The following CEP170 variants were observed in gnomAD, a reference collection of about 807,000 sequenced individuals.
CEP170 encodes the protein centrosomal protein of 170 kDa.
Under a neutral mutation model 151.9 loss-of-function variants are expected in CEP170, and 21 were observed. The ratio of observed to expected loss-of-function variants is 0.14; its 90% confidence interval spans 0.10 to 0.20. The LOEUF is 0.20. Ranked by LOEUF, CEP170 falls within the 10% of genes least tolerant of loss-of-function variation. CEP170 has a pLI of 1.00. For missense variants in CEP170, 964 were observed against 1,892.9 expected (o/e 0.51, Z 9.11); for synonymous variants, 356 against 648.8 (o/e 0.55, Z 6.86).
In CEP170 at chr1:243,165,542, C is replaced by T. The variant is rs764155268; in HGVS notation, c.2418G>A (p.Glu806=). 5 of 1,613,436 alleles carry T rather than the reference C, an allele frequency of 3.1e-6. No individual in the cohort carries two copies. The highest frequency in any genetic ancestry group is 1.6e-4 in the Middle Eastern group (1 of 6,062). The change falls in exon 13 of 20, where the codon GAG becomes GAA. Residue 806 remains glutamate (E), a synonymous_variant. Transcript: ENST00000366542. ...TSKGDRVAQS[E]SKRRKAEEIL... is the part of the protein sequence containing the mutation. ...TTTCCTCAGCTTTTCTTCTCTTGCT[C>T]TCACTTTGTGCCACTCTGTCTCCTT...
intron 16 of CEP170, among the ~76,000 whole-genome samples, chr1:243,137,667 C>A (rs1315594406): frequency 6.6e-6 from 1 of 151,506 alleles, no homozygotes. Flanking sequence ...CCCAGCTACT[C>A]GGGAGGCTAA....
intron 7 of CEP170, among the ~76,000 whole-genome samples, chr1:243,198,692 T>G (rs2060821058): frequency 6.6e-6 from 1 of 152,042 alleles, no homozygotes; most frequent in Non-Finnish European, 1.5e-5. Context: ...GGGGATCTAA[T>G]AAAAACGCAA....
chr1:243,224,606 A>T (rs146530787), intron 2 of CEP170, among the ~76,000 whole-genome samples: 2 of 152,268 alleles, frequency 1.3e-5, no homozygotes, highest in Non-Finnish European at 2.9e-5. Flanking sequence ...CCTCCATCTG[A>T]TTCTTACCCC....
At chr1:243,141,675 T>A (rs1245025985) in intron 15 of CEP170, among the ~76,000 whole-genome samples, 1 of 152,224 alleles carries the variant, frequency 6.6e-6, no homozygotes, top group South Asian at 2.1e-4. Flanking sequence ...TCTGGAGCAA[T>A]GTTATGCAAA....
chr1:243,192,177 A>C (rs2060346659), intron 7 of CEP170, among the ~76,000 whole-genome samples: 2 of 152,202 alleles, frequency 1.3e-5, no homozygotes, highest in Admixed American at 1.3e-4. Flanking sequence ...AAATAAGGTT[A>C]AAATAGGAAA....
At chr1:243,249,423 A>G (rs976375067) in intron 1 of CEP170, among the ~76,000 whole-genome samples, 17 of 38,150 alleles carry the variant, frequency 4.5e-4, no homozygotes, top group Non-Finnish European at 7.5e-4. Context: ...GTCTCAAAAT[A>G]AATAAATAAA....
Position 243,165,713 on chromosome 1 carries a change from T to C in CEP170, c.2247A>G (p.Gln749=), listed in dbSNP as rs544280332. Residue 749 remains glutamine, a synonymous_variant, in exon 13 of 20, where the codon CAA becomes CAG. Transcript: ENST00000366542. Reference sequence around the variant, plus strand: ...GAGCCTCCTCCCTTTGTTCTTGTTGTTGAAGTTTTGCTAATGTTTGCTTTA... The same window carrying C: ...GAGCCTCCTCCCTTTGTTCTTGTTGCTGAAGTTTTGCTAATGTTTGCTTTA... ...SLVKQTLAKL[Q]QQEQREEAQW... The C allele has an allele frequency of 3.0e-5, 48 of 1,613,970 alleles. No individual in the cohort carries two copies. The highest frequency in any genetic ancestry group is 8.3e-5 in the Admixed American group (5 of 60,008).
At chr1:243,133,653 A>G (rs1434273447) in intron 17 of CEP170, among the ~76,000 whole-genome samples, 1 of 152,098 alleles carries the variant, frequency 6.6e-6, no homozygotes, top group Non-Finnish European at 1.5e-5. Flanking sequence ...GTTAGGCTTT[A>G]CCCCAGGGAA....
intron 1 of CEP170, among the ~76,000 whole-genome samples, chr1:243,228,634 A>G (rs759061784): frequency 6.6e-6 from 1 of 152,232 alleles, no homozygotes; most frequent in Non-Finnish European, 1.5e-5. Flanking sequence ...ACTGAAACAA[A>G]ACCCAATATT....
At chr1:243,221,649 A>G in intron 3 of CEP170, 75 bp downstream of exon 3, 3 of 1,386,874 alleles carry the variant, frequency 2.2e-6, no homozygotes, top group Non-Finnish European at 2.9e-6. Context: ...TGTAGCTAGG[A>G]AATGTAATCT....
At chr1:243,206,473 A>G (rs2148875161) in intron 4 of CEP170, among the ~76,000 whole-genome samples, 1 of 152,342 alleles carries the variant, frequency 6.6e-6, no homozygotes, top group East Asian at 1.9e-4. Context: ...ACTTTTCTAG[A>G]CATATAAAAG....
At chr1:243,179,516 C>T (rs2059480266) in intron 10 of CEP170, among the ~76,000 whole-genome samples, 1 of 151,992 alleles carries the variant, frequency 6.6e-6, no homozygotes, top group African/African-American at 2.4e-5. Flanking sequence ...ATAATATATA[C>T]AAGGTTTTAA....
chr1:243,227,266 C>CA (rs34323706), intron 1 of CEP170, among the ~76,000 whole-genome samples: 48,522 of 146,484 alleles, frequency 0.33, 7,938 homozygotes, highest in South Asian at 0.53. Flanking sequence ...TATCATTGGT[C>CA]AAAAAAAAAA....
At chr1:243,241,022 T>C (rs2064784990) in intron 1 of CEP170, among the ~76,000 whole-genome samples, 1 of 152,192 alleles carries the variant, frequency 6.6e-6, no homozygotes, top group African/African-American at 2.4e-5. Context: ...ACAAAGTGCT[T>C]AATATTCCAT....
At chr1:243,162,726 T>C (rs1168893088) in intron 13 of CEP170, among the ~76,000 whole-genome samples, 1 of 152,188 alleles carries the variant, frequency 6.6e-6, no homozygotes, top group Non-Finnish European at 1.5e-5. Context: ...ATAGAAATTA[T>C]GTTAAGACAG....
chr1:243,130,890 T>A (rs2054315457), intron 17 of CEP170, among the ~76,000 whole-genome samples: 1 of 151,814 alleles, frequency 6.6e-6, no homozygotes, highest in Non-Finnish European at 1.5e-5. Flanking sequence ...CCAGCCATCT[T>A]TTCTAAATTA....
chr1:243,237,970 T>G (rs556445704), intron 1 of CEP170, among the ~76,000 whole-genome samples: 4 of 152,218 alleles, frequency 2.6e-5, no homozygotes, highest in Admixed American at 6.5e-5. Context: ...CGGGTCTATC[T>G]TTTGTCTAAA....
intron 1 of CEP170, among the ~76,000 whole-genome samples, chr1:243,239,553 G>A (rs1558684995): frequency 6.6e-6 from 1 of 152,204 alleles, no homozygotes; most frequent in East Asian, 1.9e-4. Context: ...CTTCAGTTTT[G>A]AGTAAAAAGC....
chr1:243,180,294 G>A lies in CEP170; in HGVS notation c.1566+5485C>T, dbSNP rs1237956964. Among the ~76,000 whole-genome samples, 12 of 152,184 alleles carry A rather than the reference G, an allele frequency of 7.9e-5. No homozygotes were observed. The East Asian group carries it at 1.2e-3, about 15-fold the overall frequency. On this transcript the variant is annotated intron_variant, in intron 10 of 19. Coordinates refer to ENST00000366542, the MANE Select transcript of CEP170 (RefSeq NM_014812.3). ...TGAGGACAAACCTATTATGTTAGGCGTCTGGCTGAATAAAAGGTGAGGGTT... is the reference window on the plus strand; with the variant it reads ...TGAGGACAAACCTATTATGTTAGGCATCTGGCTGAATAAAAGGTGAGGGTT...
Sources: allele counts gnomAD v4.1 joint callset (sites outside exome capture counted in the v4.1 genomes callset), GRCh38; gene constraint gnomAD v4.1.1; transcripts MANE v1.5; gene names NCBI Gene and HGNC (gene_info 2026-07-23, HGNC 2026-07-21).